PLEKHB2: variants seen among roughly 807,000 people sequenced by gnomAD.
PLEKHB2 encodes pleckstrin homology domain-containing family B member 2.
PLEKHB2 carries 31 observed loss-of-function variants against 36.5 expected under a neutral mutation model. That is an observed-to-expected ratio of 0.85 (90% CI 0.64 to 1.15). The LOEUF (loss-of-function observed/expected upper bound fraction) is 1.15. Among genes scored for constraint, PLEKHB2 ranks in the 50% most tolerant of loss-of-function variants. The probability of loss-of-function intolerance (pLI) is 0.00; values close to 1 mark genes in which losing one functional copy is unlikely to be tolerated. For missense variants in PLEKHB2, 262 were observed against 295.3 expected, an observed-to-expected ratio of 0.89 and a Z score of 0.83; for synonymous variants, 119 against 112.0, an observed-to-expected ratio of 1.06 and a Z score of -0.39.
At chr2:131,122,690 CCAGAGACCGGTCTT>C (rs1696635983) in intron 2 of PLEKHB2, among the ~76,000 whole-genome samples, 1 of 152,112 alleles carries the variant, frequency 6.6e-6, no homozygotes, top group African/African-American at 2.4e-5. Flanking sequence ...TTATATGCAC[CCAGAGACCGGTCTT>C]CAGCCTGTGT....
chr2:131,143,921 G>A (rs998723347), intron 7 of PLEKHB2, among the ~76,000 whole-genome samples: 3 of 152,144 alleles, frequency 2.0e-5, no homozygotes, highest in Non-Finnish European at 2.9e-5. Flanking sequence ...CTTGGCTCTC[G>A]TCAGTAGAGT....
intron 1 of PLEKHB2, among the ~76,000 whole-genome samples, chr2:131,106,979 A>G (rs1377712022): frequency 6.6e-6 from 1 of 152,222 alleles, no homozygotes; most frequent in Non-Finnish European, 1.5e-5. Context: ...TGAGTTGATT[A>G]AATGTGTACA....
At position 131,130,399 on chromosome 2, in the gene PLEKHB2, G is replaced by A. The variant is rs569495980; in HGVS notation, c.294-322G>A. On this transcript the variant is annotated intron_variant, in intron 4 of 7. Coordinates refer to ENST00000693505, the MANE Select transcript of PLEKHB2 (RefSeq NM_001100623.2). ...CTAATCTAAATTTTTTACTCATATCGTGGAATATTATATAGCTGGTAAAAA... is the reference window on the plus strand; with the variant it reads ...CTAATCTAAATTTTTTACTCATATCATGGAATATTATATAGCTGGTAAAAA... 3.9e-5 allele frequency among the ~76,000 whole-genome samples: 6 copies of A among 152,156 alleles called. No individual in the cohort carries two copies. In the South Asian group the frequency reaches 6.2e-4, roughly 16 times the overall value.
At chr2:131,120,513 C>T (rs532595302) in intron 1 of PLEKHB2, 1 of 196,326 alleles carries the variant, frequency 5.1e-6, no homozygotes, top group South Asian at 1.1e-4. Flanking sequence ...CCTGGCCACT[C>T]CACGTCACTC....
intron 7 of PLEKHB2, among the ~76,000 whole-genome samples, chr2:131,142,628 A>G (rs753268310): frequency 9.9e-5 from 15 of 150,760 alleles, no homozygotes; most frequent in Non-Finnish European, 2.1e-4. Flanking sequence ...CTGTTGTGCA[A>G]TGTCATGATC....
chr2:131,132,785 A>G (rs1697839494), intron 5 of PLEKHB2, 117 bp from the exon 6 acceptor site: 4 of 644,878 alleles, frequency 6.2e-6, no homozygotes, highest in South Asian at 4.2e-5. Context: ...GCAGAGAGCT[A>G]TGTATCTTTT....
chr2:131,135,857 C>G (rs1698191195), intron 6 of PLEKHB2, among the ~76,000 whole-genome samples: 1 of 152,082 alleles, frequency 6.6e-6, no homozygotes, highest in Admixed American at 6.5e-5. Flanking sequence ...ATCCACCCAC[C>G]TTGGCCTACC....
chr2:131,123,852 T>C (rs1360661613), intron 2 of PLEKHB2, among the ~76,000 whole-genome samples: 1 of 136,798 alleles, frequency 7.3e-6, no homozygotes, highest in Non-Finnish European at 1.5e-5. Context: ...CTGGCTTTTT[T>C]TTTTTTTTCT....
intron 7 of PLEKHB2, among the ~76,000 whole-genome samples, chr2:131,145,275 C>T (rs757502959): frequency 3.3e-5 from 5 of 152,134 alleles, no homozygotes; most frequent in Non-Finnish European, 5.9e-5. Context: ...CCTTTGTTAC[C>T]ACTGCGGGTT....
At chr2:131,111,657 A>G (rs1303137222) in intron 1 of PLEKHB2, among the ~76,000 whole-genome samples, 1 of 150,690 alleles carries the variant, frequency 6.6e-6, no homozygotes, top group Non-Finnish European at 1.5e-5. Flanking sequence ...CGCCCAACTA[A>G]TTTTTGTATT....
chr2:131,105,493 C>T (rs920236076), intron 1 of PLEKHB2, 95 bp downstream of exon 1: 2 of 153,018 alleles, frequency 1.3e-5, no homozygotes, highest in African/African-American at 2.4e-5. Context: ...AGCCTCGCGC[C>T]CCTCTGAGGG....
chr2:131,132,793 T>G, intron 5 of PLEKHB2, 109 bp from the exon 6 acceptor site: 1 of 679,566 alleles, frequency 1.5e-6, no homozygotes, highest in Admixed American at 2.3e-5. Context: ...CTATGTATCT[T>G]TTTGTTTTTT....
At chr2:131,126,116 C>T (rs1405627566) in intron 3 of PLEKHB2, among the ~76,000 whole-genome samples, 2 of 152,184 alleles carry the variant, frequency 1.3e-5, no homozygotes, top group South Asian at 2.1e-4. Context: ...CCCTCGTTCT[C>T]GTGGAGAGGG....
intron 7 of PLEKHB2, chr2:131,144,406 A>G (rs1699083330): frequency 8.2e-7 from 1 of 1,226,234 alleles, no homozygotes; most frequent in South Asian, 4.1e-5. Flanking sequence ...TCTGTCTTGT[A>G]GAGACCATCC....
chr2:131,119,824 T>A (rs1383764789), intron 1 of PLEKHB2, among the ~76,000 whole-genome samples: 1 of 152,152 alleles, frequency 6.6e-6, no homozygotes, highest in African/African-American at 2.4e-5. Flanking sequence ...TCAGTGTCTT[T>A]TTACGAGTTT....
intron 1 of PLEKHB2, among the ~76,000 whole-genome samples, chr2:131,115,058 A>T (rs1405322013): frequency 6.6e-6 from 1 of 152,190 alleles, no homozygotes; most frequent in African/African-American, 2.4e-5. Context: ...GTTGACTCAC[A>T]GTTCCACATG....
intron 7 of PLEKHB2, among the ~76,000 whole-genome samples, chr2:131,146,338 A>G (rs551795763): frequency 2.6e-5 from 4 of 152,246 alleles, no homozygotes; most frequent in Admixed American, 1.3e-4. Flanking sequence ...CTGCCACCCA[A>G]TAAGCATGGT....
chr2:131,146,920 A>C lies in PLEKHB2; in HGVS notation c.*147A>C. 1 of 655,900 alleles carries C rather than the reference A, an allele frequency of 1.5e-6. No homozygotes were observed. Among genetic ancestry groups the C allele is most frequent in the Non-Finnish European group, 2.5e-6 (1 of 401,356 alleles). 40.6% of individuals were successfully genotyped at this position (655,900 alleles called of 1,614,324 possible). ...AGTGATGTCATAATTGTACTAATCC[A>C]CATAAGTACCACAGAGAAGGGTTTG... On this transcript the variant is annotated 3_prime_UTR_variant, in exon 8 of 8. Transcript: ENST00000693505.
chr2:131,118,592 G>A (rs181126493), intron 1 of PLEKHB2, among the ~76,000 whole-genome samples: 254 of 152,204 alleles, frequency 1.7e-3, no homozygotes, highest in African/African-American at 5.8e-3. Flanking sequence ...AAGGCCAGGC[G>A]CGGTGGCTCA....
Sources: gnomAD v4.1 joint callset for allele counts (sites outside exome capture counted in the v4.1 genomes callset) on GRCh38, gnomAD v4.1.1 for gene constraint, MANE v1.5 for transcripts, NCBI Gene and HGNC (gene_info 2026-07-23, HGNC 2026-07-21) for gene names.